Variants in ANKRD11 observed in about 807,000 individuals in gnomAD.
ANKRD11 encodes the protein ankyrin repeat domain 11, also known as ankyrin repeat domain-containing protein 11.
Under a neutral mutation model 195.7 loss-of-function variants are expected in ANKRD11, and 17 were observed. That is an observed-to-expected ratio of 0.09 (90% CI 0.06 to 0.13). The LOEUF (loss-of-function observed/expected upper bound fraction) is 0.13. Ranked by LOEUF, ANKRD11 falls within the 10% of genes least tolerant of loss-of-function variation. The probability of loss-of-function intolerance (pLI) is 1.00; values close to 1 mark genes in which losing one functional copy is unlikely to be tolerated. For synonymous variants in ANKRD11, 1,953 were observed against 1,528.1 expected, an observed-to-expected ratio of 1.28 and a Z score of -6.49; for missense variants, 3,735 against 3,566.1, an observed-to-expected ratio of 1.05 and a Z score of -1.21.
chr16:89,386,414 G>T (rs987848013), intron 2 of ANKRD11, among the ~76,000 whole-genome samples: 1 of 152,126 alleles, frequency 6.6e-6, no homozygotes, highest in Non-Finnish European at 1.5e-5. Context: ...TTTACCCAAG[G>T]AGACGCCAGA....
At chr16:89,305,822 T>C (rs1358498693) in intron 3 of ANKRD11, among the ~76,000 whole-genome samples, 2 of 47,396 alleles carry the variant, frequency 4.2e-5, no homozygotes, top group Admixed American at 2.9e-4. Flanking sequence ...CATGCGCCAC[T>C]TACCTCCCAC....
chr16:89,318,302 G>A (rs371085499), intron 2 of ANKRD11, among the ~76,000 whole-genome samples: 59 of 152,266 alleles, frequency 3.9e-4, no homozygotes, highest in African/African-American at 1.1e-3. Flanking sequence ...CAGGCCTCCC[G>A]GGTGCACTCA....
At chr16:89,393,678 A>G (rs1394293306) in intron 2 of ANKRD11, among the ~76,000 whole-genome samples, 2 of 151,836 alleles carry the variant, frequency 1.3e-5, no homozygotes, top group Non-Finnish European at 2.9e-5. Context: ...CGTCCACCTC[A>G]GAGGATTTGT....
Position 89,268,377 on chromosome 16 carries a change from G to C in ANKRD11, c.*101C>G, listed in dbSNP as rs934513588. 3 of 571,384 alleles carry C rather than the reference G, an allele frequency of 5.3e-6. No individual in the cohort carries two copies. Among genetic ancestry groups the C allele is most frequent in the Non-Finnish European group, 6.1e-6 (2 of 329,776 alleles). The allele number at this position is 571,384 out of a possible 1,614,324, so 35.4% of individuals were successfully genotyped here. On this transcript the variant is annotated 3_prime_UTR_variant, in exon 13 of 13. Transcript: ENST00000301030. ...GCAGTCTCTCTCGGGGTCTCTCCCC[G>C]CCCGGGTGGACAGGGCGCTCCCTCC...
intron 2 of ANKRD11, among the ~76,000 whole-genome samples, chr16:89,359,593 G>A (rs893612337): frequency 2.6e-5 from 4 of 152,172 alleles, no homozygotes; most frequent in East Asian, 1.9e-4. Context: ...GCTGCTGGCC[G>A]AAACTGTTAT....
At chr16:89,407,928 T>TA (rs2041975131) in intron 2 of ANKRD11, among the ~76,000 whole-genome samples, 1 of 151,732 alleles carries the variant, frequency 6.6e-6, no homozygotes, top group Admixed American at 6.6e-5. Flanking sequence ...AGTCTTCCAT[T>TA]AACTTCAAAA....
At chr16:89,322,834 C>G (rs1371764758) in intron 2 of ANKRD11, among the ~76,000 whole-genome samples, 12 of 152,128 alleles carry the variant, frequency 7.9e-5, no homozygotes, top group African/African-American at 2.9e-4. Context: ...TTAGCTTTAT[C>G]TGAAGAGTTC....
intron 4 of ANKRD11, chr16:89,301,045 G>A (rs572019364): frequency 1.1e-5 from 6 of 570,626 alleles, no homozygotes; most frequent in African/African-American, 7.6e-5. Context: ...AGAACCCCAG[G>A]GAGGCCAGGC....
At chr16:89,346,131 C>G (rs932324870) in intron 2 of ANKRD11, among the ~76,000 whole-genome samples, 1 of 151,744 alleles carries the variant, frequency 6.6e-6, no homozygotes, top group Non-Finnish European at 1.5e-5. Flanking sequence ...CGCTTGTAAT[C>G]CCAGCTACTC....
At chr16:89,321,406 G>T (rs952887679) in intron 2 of ANKRD11, among the ~76,000 whole-genome samples, 1 of 151,446 alleles carries the variant, frequency 6.6e-6, no homozygotes, top group Non-Finnish European at 1.5e-5. Context: ...GCGGGACTGT[G>T]GGGAGGGGAC....
intron 7 of ANKRD11, chr16:89,286,638 G>C: frequency 5.8e-6 from 7 of 1,216,422 alleles, no homozygotes; most frequent in Non-Finnish European, 7.3e-6. Flanking sequence ...TGGGGGGACA[G>C]AATAGAGGAA....
At chr16:89,343,350 T>A (rs1418879555) in intron 2 of ANKRD11, among the ~76,000 whole-genome samples, 1 of 152,252 alleles carries the variant, frequency 6.6e-6, no homozygotes, top group Non-Finnish European at 1.5e-5. Flanking sequence ...AATTGACATT[T>A]AGTTATAAGC....
Position 89,301,673 on chromosome 16 carries a change from G to A in ANKRD11, c.226+3533C>T, listed in dbSNP as rs917629473. ...AGAGGTGATGCTGTCACATGCTCAC[G>A]TCTGCCTGGACAGCCTCCAGGCTGC... On this transcript the variant is annotated intron_variant, in intron 4 of 12. Coordinates refer to ENST00000301030, the MANE Select transcript of ANKRD11 (RefSeq NM_013275.6). 5 of 398,692 alleles carry A rather than the reference G, an allele frequency of 1.3e-5. 1 individual carries two copies. In the South Asian group the frequency reaches 3.8e-4, roughly 30 times the overall value. 24.7% of individuals were successfully genotyped at this position (398,692 alleles called of 1,614,324 possible). A position where few individuals can be genotyped will look rare whatever the true frequency, so the allele number is the denominator to read the frequency against.
At chr16:89,338,227 G>T (rs1307913151) in intron 2 of ANKRD11, among the ~76,000 whole-genome samples, 1 of 152,012 alleles carries the variant, frequency 6.6e-6, no homozygotes, top group Admixed American at 6.6e-5. Flanking sequence ...AGCCCAGCAC[G>T]TCCACTCAGT....
Position 89,283,406 on chromosome 16 carries a change from A to G in ANKRD11, c.3136T>C (p.Cys1046Arg). ...TTATCAAATTCTTTGTCCTTCTGAC[A>G]TTTTTCCAGGATTGATTTCTCACTT... ...DKSEKSILEK[C>R]QKDKEFDKCF... The change falls in exon 9 of 13, where the codon TGT becomes CGT. Residue 1046 changes from cysteine to arginine, a missense_variant. Coordinates refer to ENST00000301030, the MANE Select transcript of ANKRD11 (RefSeq NM_013275.6). This position sits in a 1 kb window ranked among gnomAD's most constrained non-coding sequence, Gnocchi z 4.3. The G allele has an allele frequency of 6.2e-7, 1 of 1,613,728 alleles. No individual in the cohort carries two copies. Among genetic ancestry groups the G allele is most frequent in the Non-Finnish European group, 8.5e-7 (1 of 1,179,950 alleles).
intron 7 of ANKRD11, chr16:89,288,176 G>T: frequency 1.6e-6 from 1 of 606,082 alleles, no homozygotes; most frequent in East Asian, 2.7e-5. Context: ...CTGCCTTGCA[G>T]GTCTAACAGT....
At position 89,281,363 on chromosome 16, in the gene ANKRD11, A is replaced by G. The variant is rs771739210; in HGVS notation, c.5179T>C (p.Cys1727Arg). The change falls in exon 9 of 13, where the codon TGC (cysteine) becomes CGC (arginine). Residue 1727 changes from cysteine (C) to arginine (R), a missense_variant. Physicochemically the swap from Cys to Arg is radical, Grantham distance 180 (BLOSUM62 -3). Coordinates refer to ENST00000301030, the MANE Select transcript of ANKRD11 (RefSeq NM_013275.6). The surrounding 1 kb of genome is among the most constrained non-coding windows in gnomAD (Gnocchi z 5.5). ...AGGTCCGCGTAGTCATCGGCGCTGCAGGACGGGGTCCTGGGCGTGTGCATC... is the reference window on the plus strand; with the variant it reads ...AGGTCCGCGTAGTCATCGGCGCTGCGGGACGGGGTCCTGGGCGTGTGCATC... ...EVMHTPRTPS[C>R]SADDYADLVF... 2.5e-6 allele frequency: 4 copies of G among 1,610,518 alleles called. No individual in the cohort carries two copies. The highest frequency in any genetic ancestry group is 8.5e-7 in the Non-Finnish European group (1 of 1,177,178).
chr16:89,432,359 C>T (rs974387787), intron 1 of ANKRD11, among the ~76,000 whole-genome samples: 6 of 152,010 alleles, frequency 3.9e-5, no homozygotes, highest in African/African-American at 1.5e-4. Flanking sequence ...AGGCTGGCAG[C>T]CGCTGTTTGT....
intron 1 of ANKRD11, among the ~76,000 whole-genome samples, chr16:89,429,098 T>TCTCGCG (rs2042857256): frequency 1.3e-5 from 2 of 151,872 alleles, no homozygotes; most frequent in Middle Eastern, 3.4e-3. Flanking sequence ...GATTCTCAAC[T>TCTCGCG]CTCACGCTCA....
Sources: allele counts gnomAD v4.1 joint callset (sites outside exome capture counted in the v4.1 genomes callset), GRCh38; gene constraint gnomAD v4.1.1; non-coding constraint Gnocchi (gnomAD v3.1); transcripts MANE v1.5; gene names NCBI Gene and HGNC (gene_info 2026-07-23, HGNC 2026-07-21).